CSNK1D: variants seen among roughly 807,000 people sequenced by gnomAD.
The protein encoded by CSNK1D is casein kinase 1 delta, also known as casein kinase I isoform delta.
In CSNK1D, 16 loss-of-function variants were observed where a neutral mutation model predicts 46.6. That is an observed-to-expected ratio of 0.34 (90% CI 0.23 to 0.52). CSNK1D has a LOEUF of 0.52. Among genes scored for constraint, CSNK1D ranks in the 20% least tolerant of loss-of-function variants. The probability of loss-of-function intolerance (pLI) is 0.95; values close to 1 mark genes in which losing one functional copy is unlikely to be tolerated. For missense variants in CSNK1D, 398 were observed against 578.4 expected, an observed-to-expected ratio of 0.69 and a Z score of 3.20; for synonymous variants, 276 against 228.2, an observed-to-expected ratio of 1.21 and a Z score of -1.89.
intron 2 of CSNK1D, among the ~76,000 whole-genome samples, chr17:82,257,783 G>A (rs948669123): frequency 4.6e-5 from 7 of 152,226 alleles, no homozygotes; most frequent in African/African-American, 4.8e-5. Flanking sequence ...CACAGCATGC[G>A]TGACATTCTC....
chr17:82,256,285 A>G (rs2051172828), intron 2 of CSNK1D, among the ~76,000 whole-genome samples: 1 of 152,150 alleles, frequency 6.6e-6, no homozygotes, highest in South Asian at 2.1e-4. Flanking sequence ...CTGAAACGGG[A>G]GGACTGCTTG....
At chr17:82,241,850 T>C (rs1224213575), downstream of CSNK1D, among the ~76,000 whole-genome samples, 109 of 152,190 alleles carry the variant, frequency 7.2e-4, no homozygotes, top group Non-Finnish European at 1.6e-4. Flanking sequence ...ATCCCCACGG[T>C]TGGGGAAGGA....
rs1351015027 is a variant in CSNK1D at position 82,250,144 on chromosome 17, G to A, written c.886-542C>T. 7.7e-7 allele frequency: 1 copy of A among 1,290,322 alleles called. No homozygotes were observed. The highest frequency in any genetic ancestry group is 5.5e-5 in the East Asian group (1 of 18,030). The allele number at this position is 1,290,322 out of a possible 1,614,324, so 79.9% of individuals were successfully genotyped here. On this transcript the variant is annotated intron_variant, in intron 6 of 8. Coordinates refer to ENST00000314028, the MANE Select transcript of CSNK1D (RefSeq NM_001893.6). This position sits in a 1 kb window ranked among gnomAD's most constrained non-coding sequence, Gnocchi z 4.6. ...TGTGCTGCACTATCCAGATGCACGG[G>A]GGTGGGGAGGTCAGATTTTAAGCCG...
chr17:82,259,907 T>C (rs1054932053), intron 2 of CSNK1D, among the ~76,000 whole-genome samples: 8 of 152,220 alleles, frequency 5.3e-5, no homozygotes, highest in African/African-American at 1.9e-4. Context: ...GATGGTGTAC[T>C]GAGTGATGTG....
intron 1 of CSNK1D, among the ~76,000 whole-genome samples, chr17:82,266,165 C>A (rs372631140): frequency 2.0e-5 from 3 of 152,176 alleles, no homozygotes; most frequent in Non-Finnish European, 4.4e-5. Context: ...TAGAGCTCCA[C>A]GGTGCCATTC....
At chr17:82,244,997 C>G in intron 8 of CSNK1D, 166 bp from the exon 9 acceptor site, 1 of 823,940 alleles carries the variant, frequency 1.2e-6, no homozygotes, top group South Asian at 1.5e-5. Context: ...GTGGCTGGGA[C>G]ACGTGCTCAG....
In CSNK1D at chr17:82,273,276, G is replaced by A. The variant is rs753810624; in HGVS notation, c.76+30C>T. The A allele has an allele frequency of 6.9e-6, 11 of 1,592,330 alleles. No homozygotes were observed. The highest frequency in any genetic ancestry group is 8.5e-6 in the Non-Finnish European group (10 of 1,170,846). ...TGGCAGCCGCAGGGCCCGGGTCTTCGGGCGGCGGGCGGGGGCGGCGGGGCC... is the reference window on the plus strand; with the variant it reads ...TGGCAGCCGCAGGGCCCGGGTCTTCAGGCGGCGGGCGGGGGCGGCGGGGCC... On this transcript the variant is annotated intron_variant, in intron 1 of 8. Transcript: ENST00000314028. This position sits in a 1 kb window ranked among gnomAD's most constrained non-coding sequence, Gnocchi z 5.1.
chr17:82,266,433 C>T (rs922805343), intron 1 of CSNK1D, among the ~76,000 whole-genome samples: 2 of 152,240 alleles, frequency 1.3e-5, no homozygotes, highest in African/African-American at 2.4e-5. Flanking sequence ...CCTACCAACA[C>T]GCACCGGTCA....
intron 2 of CSNK1D, among the ~76,000 whole-genome samples, chr17:82,256,398 A>G (rs2147187580): frequency 6.6e-6 from 1 of 152,028 alleles, no homozygotes; most frequent in East Asian, 1.9e-4. Flanking sequence ...CTGTGGTCCC[A>G]GCTACTTGGG....
At position 82,252,097 on chromosome 17, in the gene CSNK1D, G is replaced by A. The variant is rs1287926100; in HGVS notation, c.736+337C>T. ...GGAAATCTCCCGAGCTCCTGGAGGG[G>A]GCCAGAGAGGGCAGCCACTGCAGAG... On this transcript the variant is annotated intron_variant, in intron 5 of 8. Coordinates refer to ENST00000314028, the MANE Select transcript of CSNK1D (RefSeq NM_001893.6). This position sits in a 1 kb window ranked among gnomAD's most constrained non-coding sequence, Gnocchi z 4.6. Among the ~76,000 whole-genome samples the A allele has an allele frequency of 6.6e-6, 1 of 152,202 alleles. No homozygotes were observed. The highest frequency in any genetic ancestry group is 1.5e-5 in the Non-Finnish European group (1 of 68,036).
Position 82,255,550 on chromosome 17 carries a change from C to G in CSNK1D, c.215G>C (p.Gly72Ala). 1 of 1,614,128 alleles carries G rather than the reference C, an allele frequency of 6.2e-7. No individual in the cohort carries two copies. Among genetic ancestry groups the G allele is most frequent in the Non-Finnish European group, 8.5e-7 (1 of 1,180,016 alleles). The change falls in exon 3 of 9, where the codon GGG (glycine) becomes GCG (alanine). Residue 72 changes from glycine to alanine, a missense_variant. Coordinates refer to ENST00000314028, the MANE Select transcript of CSNK1D (RefSeq NM_001893.6). The surrounding 1 kb of genome is among the most constrained non-coding windows in gnomAD (Gnocchi z 5.9). ...CATGACGTTGTAGTCCCCCTCTGCCCCGCACCATCTGATGGTGGGGATGCC... is the reference window on the plus strand; with the variant it reads ...CATGACGTTGTAGTCCCCCTCTGCCGCGCACCATCTGATGGTGGGGATGCC... ...GVGIPTIRWC[G>A]AEGDYNVMVM... is the part of the protein sequence containing the mutation.
chr17:82,263,289 C>A (rs2051386240), intron 2 of CSNK1D, among the ~76,000 whole-genome samples: 1 of 152,236 alleles, frequency 6.6e-6, no homozygotes, highest in Non-Finnish European at 1.5e-5. Context: ...TTGGAATGGT[C>A]AGGGACATGG....
chr17:82,257,532 CA>C (rs1423772288), intron 2 of CSNK1D, among the ~76,000 whole-genome samples: 37 of 152,146 alleles, frequency 2.4e-4, no homozygotes, highest in African/African-American at 8.9e-4. Flanking sequence ...AGGGAAAGAA[CA>C]AAACACACAC....
intron 2 of CSNK1D, among the ~76,000 whole-genome samples, chr17:82,263,285 T>C (rs2051386184): frequency 6.6e-6 from 1 of 152,232 alleles, no homozygotes; most frequent in Non-Finnish European, 1.5e-5. Flanking sequence ...CATTTTGGAA[T>C]GGTCAGGGAC....
intron 8 of CSNK1D, chr17:82,246,140 C>T (rs760890119): frequency 1.5e-5 from 23 of 1,547,508 alleles, no homozygotes; most frequent in Non-Finnish European, 1.9e-5. Context: ...TCAACCAGGT[C>T]CACAGACCGA....
chr17:82,255,226 G>A lies in CSNK1D; in HGVS notation c.336+203C>T, dbSNP rs555484109. 3,486 of 669,126 alleles carry A rather than the reference G, an allele frequency of 5.2e-3. 25 individuals carry two copies. The highest frequency in any genetic ancestry group is 5.6e-3 in the Non-Finnish European group (2,112 of 380,098). The allele number at this position is 669,126 out of a possible 1,614,324, so 41.4% of individuals were successfully genotyped here. On this transcript the variant is annotated intron_variant, in intron 3 of 8. Transcript: ENST00000314028. The surrounding 1 kb of genome is among the most constrained non-coding windows in gnomAD (Gnocchi z 5.9). ...CGAGAAGCCAGTGAGCTGGGCCGCC[G>A]GAGCCTCGAGAAGCCAGTGAGCGGA...
chr17:82,239,427 C>G (rs2050706562), downstream of CSNK1D: 2 of 171,346 alleles, frequency 1.2e-5, no homozygotes, highest in Admixed American at 6.4e-5. Flanking sequence ...GGGGACAGCT[C>G]TTTCCACCCC....
intron 1 of CSNK1D, among the ~76,000 whole-genome samples, chr17:82,269,539 C>G (rs1475489654): frequency 6.6e-6 from 1 of 152,216 alleles, no homozygotes; most frequent in Non-Finnish European, 1.5e-5. Context: ...AAGCAGTTAG[C>G]TCCCAAAAGA....
chr17:82,251,371 C>T lies in CSNK1D; in HGVS notation c.885+8G>A, dbSNP rs561610034. 3.1e-6 allele frequency: 5 copies of T among 1,613,908 alleles called. No individual in the cohort carries two copies. The South Asian group carries it at 3.3e-5, about 11-fold the overall frequency. On this transcript the variant is annotated splice_region_variant and intron_variant, in intron 6 of 8. Coordinates refer to ENST00000314028, the MANE Select transcript of CSNK1D (RefSeq NM_001893.6). The surrounding 1 kb of genome is among the most constrained non-coding windows in gnomAD (Gnocchi z 4.5). ...ACACTCAGCGAACGTGCTGGCAGTGCGACTTACAAATTTGAGCATGTTCCA... is the reference window on the plus strand; with the variant it reads ...ACACTCAGCGAACGTGCTGGCAGTGTGACTTACAAATTTGAGCATGTTCCA...
Sources: gnomAD v4.1 joint callset for allele counts (sites outside exome capture counted in the v4.1 genomes callset) on GRCh38, gnomAD v4.1.1 for gene constraint, Gnocchi (gnomAD v3.1) non-coding constraint, MANE v1.5 for transcripts, NCBI Gene and HGNC (gene_info 2026-07-23, HGNC 2026-07-21) for gene names.